Variants in SPARC observed in about 807,000 individuals in gnomAD.
SPARC encodes basement-membrane protein 40.
SPARC carries 23 observed loss-of-function variants against 37.7 expected under a neutral mutation model. The ratio of observed to expected loss-of-function variants is 0.61; its 90% CI spans 0.44 to 0.87. The LOEUF is 0.87. SPARC is among the 40% of genes least tolerant of loss of function. The pLI, the probability that SPARC is intolerant of heterozygous loss-of-function variation, is 0.00. For missense variants in SPARC, 312 were observed against 389.0 expected (o/e 0.80, Z 1.66); for synonymous variants, 155 against 150.8 (o/e 1.03, Z -0.20).
chr5:151,670,621 G>T (rs1000334524), intron 5 of SPARC, among the ~76,000 whole-genome samples: 1 of 152,176 alleles, frequency 6.6e-6, no homozygotes, highest in Non-Finnish European at 1.5e-5. Flanking sequence ...AGCCAATGGA[G>T]TCCTAGTCGA....
chr5:151,673,932 C>A (rs138968944), intron 3 of SPARC, among the ~76,000 whole-genome samples: 1 of 151,796 alleles, frequency 6.6e-6, no homozygotes, highest in Non-Finnish European at 1.5e-5. Context: ...AGCCTCCACC[C>A]CTGCCAGCCA....
chr5:151,678,406 GCCACCC>G (rs1363441246), intron 1 of SPARC, among the ~76,000 whole-genome samples: 1 of 152,102 alleles, frequency 6.6e-6, no homozygotes. Flanking sequence ...CACCCTCCCT[GCCACCC>G]CCATCCCTGC....
chr5:151,670,074 T>C (rs538381378), intron 5 of SPARC, among the ~76,000 whole-genome samples: 1 of 152,230 alleles, frequency 6.6e-6, no homozygotes, highest in East Asian at 1.9e-4. Context: ...GAAGAGAAAG[T>C]TAAAGACAGG....
intron 6 of SPARC, among the ~76,000 whole-genome samples, chr5:151,669,133 G>A (rs1476927620): frequency 6.6e-6 from 1 of 152,196 alleles, no homozygotes; most frequent in African/African-American, 2.4e-5. Context: ...TTCCAGAAGA[G>A]GGTGCTTATC....
rs777906933 is a variant in SPARC at position 151,667,591 on chromosome 5, G to A, written c.461C>T (p.Pro154Leu). 3.7e-6 allele frequency: 6 copies of A among 1,614,054 alleles called. No homozygotes were observed. The highest frequency in any genetic ancestry group is 5.1e-6 in the Non-Finnish European group (6 of 1,179,958). Residue 154 changes from proline (P) to leucine (L), a missense_variant, in exon 7 of 10, where the codon CCT (proline) becomes CTT (leucine). Coordinates refer to ENST00000231061, the MANE Select transcript of SPARC (RefSeq NM_003118.4). ...DYIGPCKYIP[P>L]CLDSELTEFP... ...TTCGGTCAGCTCAGAGTCCAGGCAA[G>A]GGGGGATGTCTAGGTTCCAAACACA...
intron 1 of SPARC, among the ~76,000 whole-genome samples, chr5:151,677,248 T>C (rs1561921871): frequency 6.6e-6 from 1 of 152,336 alleles, no homozygotes; most frequent in Non-Finnish European, 1.5e-5. Flanking sequence ...GAAAGTTCTT[T>C]CTTTTACTGA....
rs1057517662 is a variant in SPARC at position 151,667,555 on chromosome 5, C to T, written c.497G>A (p.Arg166His). 4 of 1,614,038 alleles carry T rather than the reference C, an allele frequency of 2.5e-6. No homozygotes were observed. Among genetic ancestry groups the T allele is most frequent in the Non-Finnish European group, 3.4e-6 (4 of 1,180,022 alleles). The change falls in exon 7 of 10, where the codon CGC (arginine) becomes CAC (histidine). Residue 166 changes from arginine (R) to histidine (H), a missense_variant. Coordinates refer to ENST00000231061, the MANE Select transcript of SPARC (RefSeq NM_003118.4). ...GACGTTCTTGAGCCAGTCCCGCATGCGCAGGGGGAATTCGGTCAGCTCAGA... is the reference window on the plus strand; with the variant it reads ...GACGTTCTTGAGCCAGTCCCGCATGTGCAGGGGGAATTCGGTCAGCTCAGA... ...LDSELTEFPLRMRDWLKNVLV... is the reference protein window; with the variant it reads ...LDSELTEFPLHMRDWLKNVLV...
chr5:151,663,643 G>A (rs769380032), intron 9 of SPARC, 44 bp from the exon 10 acceptor site: 43 of 1,605,756 alleles, frequency 2.7e-5, no homozygotes, highest in East Asian at 1.3e-4. Context: ...AGGCTGTGTC[G>A]ATGATAACGC....
Position 151,661,720 on chromosome 5 carries a change from T to A in SPARC, c.*1851A>T, listed in dbSNP as rs1760509395. On this transcript the variant is annotated 3_prime_UTR_variant, in exon 10 of 10. Transcript: ENST00000231061. ...AGAACTTTCTGTGATGATGAAAAGA[T>A]TCTACTTCTGACCTATTCAATAGGG... 1 of 152,224 alleles carries A rather than the reference T, an allele frequency of 6.6e-6. No homozygotes were observed. The highest frequency in any genetic ancestry group is 2.1e-4 in the South Asian group (1 of 4,832). The allele number at this position is 152,224 out of a possible 1,614,324, so 9.4% of individuals were successfully genotyped here.
chr5:151,671,786 T>G (rs1760754259), intron 4 of SPARC, 92 bp from the exon 5 acceptor site: 2 of 1,538,294 alleles, frequency 1.3e-6, no homozygotes, highest in African/African-American at 1.4e-5. Context: ...TGACAGTCCT[T>G]GACTGTGGCC....
At chr5:151,677,245 C>A (rs1367063857) in intron 1 of SPARC, among the ~76,000 whole-genome samples, 1 of 152,144 alleles carries the variant, frequency 6.6e-6, no homozygotes, top group East Asian at 1.9e-4. Flanking sequence ...TTAGAAAGTT[C>A]TTTCTTTTAC....
At position 151,669,800 on chromosome 5, in the gene SPARC, A is replaced by G; in HGVS notation, c.331-16T>C. On this transcript the variant is annotated splice_polypyrimidine_tract_variant and intron_variant, in intron 5 of 9. Transcript: ENST00000231061. ...TGCTGCACACCTGTTGGCAAAGCAC[A>G]GAGTACCCCCTCCTTCATTCCCAAA... 6.2e-7 allele frequency: 1 copy of G among 1,613,994 alleles called. No individual in the cohort carries two copies. The highest frequency in any genetic ancestry group is 1.7e-5 in the Admixed American group (1 of 60,014).
intron 2 of SPARC, among the ~76,000 whole-genome samples, chr5:151,675,076 G>A (rs917912018): frequency 6.6e-6 from 1 of 152,182 alleles, no homozygotes; most frequent in East Asian, 1.9e-4. Flanking sequence ...TCCTCACAGT[G>A]TGATATTATT....
At chr5:151,677,814 GCA>G (rs981517016) in intron 1 of SPARC, among the ~76,000 whole-genome samples, 12 of 152,148 alleles carry the variant, frequency 7.9e-5, no homozygotes, top group African/African-American at 2.4e-4. Context: ...ACCCCCTATT[GCA>G]CAGAGTGAAT....
chr5:151,664,487 C>T lies in SPARC; in HGVS notation c.735-252G>A, dbSNP rs145292455. On this transcript the variant is annotated intron_variant, in intron 8 of 9. Transcript: ENST00000231061. The stretch of plus-strand genomic sequence containing the variant: ...AGGAGGAGATGGCCATAATTACTAA[C>T]GGCCCTTCCAGCTCTAAGGTTTCAG... Among the ~76,000 whole-genome samples the T allele has an allele frequency of 6.2e-3, 946 of 152,294 alleles. 4 individuals carry two copies. Among genetic ancestry groups the T allele is most frequent in the African/African-American group, 0.017 (699 of 41,566 alleles).
chr5:151,667,420 T>C (rs767002710), intron 7 of SPARC, 47 bp downstream of exon 7: 1 of 1,612,622 alleles, frequency 6.2e-7, no homozygotes, highest in Non-Finnish European at 8.5e-7. Context: ...GGAATGGGAC[T>C]GGATCTTCAC....
chr5:151,674,445 G>A (rs1395327486), intron 3 of SPARC, among the ~76,000 whole-genome samples, 167 bp downstream of exon 3: 2 of 152,170 alleles, frequency 1.3e-5, no homozygotes, highest in African/African-American at 4.8e-5. Flanking sequence ...AAGCATTCAG[G>A]AGTGTGTCAG....
chr5:151,667,169 A>T (rs56916069), intron 7 of SPARC, among the ~76,000 whole-genome samples: 1 of 152,102 alleles, frequency 6.6e-6, no homozygotes, highest in African/African-American at 2.4e-5. Flanking sequence ...TAATATGCTC[A>T]TTAAAGCTTA....
At chr5:151,675,912 T>C (rs375543567) in intron 2 of SPARC, among the ~76,000 whole-genome samples, 15 of 152,282 alleles carry the variant, frequency 9.9e-5, no homozygotes, top group African/African-American at 3.6e-4. Flanking sequence ...CTAAGAAGTT[T>C]ATCTAACATT....
Sources: allele counts gnomAD v4.1 joint callset (sites outside exome capture counted in the v4.1 genomes callset), GRCh38; gene constraint gnomAD v4.1.1; transcripts MANE v1.5; gene names NCBI Gene and HGNC (gene_info 2026-07-23, HGNC 2026-07-21).